EPHA6: variants seen among roughly 807,000 people sequenced by gnomAD.
EPHA6 encodes ephrin type-A receptor 6.
A neutral mutation model predicts 112.0 loss-of-function variants in EPHA6; 50 were observed. The observed-to-expected ratio is 0.45, with a 90% CI of 0.36 to 0.56. The LOEUF (loss-of-function observed/expected upper bound fraction) is 0.56. EPHA6 is among the 20% of genes least tolerant of loss of function. The pLI is 0.00. For missense variants in EPHA6, 1,280 were observed against 1,417.4 expected (o/e 0.90, Z 1.56); for synonymous variants, 529 against 490.7 (o/e 1.08, Z -1.03).
At chr3:97,322,115 A>T (rs1453856858) in intron 5 of EPHA6, among the ~76,000 whole-genome samples, 1 of 152,064 alleles carries the variant, frequency 6.6e-6, no homozygotes, top group Non-Finnish European at 1.5e-5. Flanking sequence ...TAAAGAAAGC[A>T]ACTTTAAACT....
At chr3:96,920,360 T>C (rs1451409743) in intron 2 of EPHA6, among the ~76,000 whole-genome samples, 1 of 151,968 alleles carries the variant, frequency 6.6e-6, no homozygotes, top group Non-Finnish European at 1.5e-5. Context: ...AATGCCCTTA[T>C]ATTATACTAC....
chr3:97,090,231 A>T (rs575538615), intron 3 of EPHA6, among the ~76,000 whole-genome samples: 1 of 152,150 alleles, frequency 6.6e-6, no homozygotes, highest in African/African-American at 2.4e-5. Context: ...TAAGTTACTA[A>T]TTTTTATCTT....
chr3:96,858,954 C>T (rs945512016), intron 1 of EPHA6, among the ~76,000 whole-genome samples: 2 of 152,160 alleles, frequency 1.3e-5, no homozygotes, highest in African/African-American at 4.8e-5. Flanking sequence ...CTCAGAAGAT[C>T]ATATGTAAAT....
Position 97,627,144 on chromosome 3 carries a change from G to A in EPHA6, c.2575-10729G>A, listed in dbSNP as rs144521536. The stretch of plus-strand genomic sequence containing the variant: ...AGGCAAGTTAGGTGGCTTGCCCAAT[G>A]TCAAACAGCTGATAAATCATTTATT... On this transcript the variant is annotated intron_variant, in intron 13 of 17. Transcript: ENST00000389672. Among the ~76,000 whole-genome samples, 432 of 151,950 alleles carry A rather than the reference G, an allele frequency of 2.8e-3. 4 individuals carry two copies. The highest frequency in any genetic ancestry group is 9.7e-3 in the African/African-American group (404 of 41,494).
At chr3:96,996,851 A>C (rs1208160284) in intron 3 of EPHA6, among the ~76,000 whole-genome samples, 1 of 152,106 alleles carries the variant, frequency 6.6e-6, no homozygotes, top group African/African-American at 2.4e-5. Context: ...GGTCCTAACA[A>C]GAGATCCAGC....
chr3:97,623,011 G>A (rs1019289190), intron 13 of EPHA6, among the ~76,000 whole-genome samples: 7 of 151,624 alleles, frequency 4.6e-5, no homozygotes, highest in Admixed American at 3.3e-4. Context: ...TATTCCCTTA[G>A]GAGATATATG....
At chr3:97,085,499 G>T (rs2046864930) in intron 3 of EPHA6, among the ~76,000 whole-genome samples, 1 of 152,090 alleles carries the variant, frequency 6.6e-6, no homozygotes, top group African/African-American at 2.4e-5. Flanking sequence ...TACTTTGGGG[G>T]TACTAGAGAG....
chr3:97,376,076 C>A (rs550567925), intron 5 of EPHA6, among the ~76,000 whole-genome samples: 1 of 152,200 alleles, frequency 6.6e-6, no homozygotes, highest in African/African-American at 2.4e-5. Flanking sequence ...CCTTACTACA[C>A]CACTATGCAA....
chr3:97,139,734 G>A (rs2075851570), intron 3 of EPHA6, among the ~76,000 whole-genome samples: 1 of 152,144 alleles, frequency 6.6e-6, no homozygotes, highest in African/African-American at 2.4e-5. Flanking sequence ...AGCTTCTCCA[G>A]ATGAGAAGAA....
At chr3:97,276,240 G>A (rs891629479) in intron 5 of EPHA6, among the ~76,000 whole-genome samples, 2 of 152,196 alleles carry the variant, frequency 1.3e-5, no homozygotes, top group Non-Finnish European at 2.9e-5. Context: ...GGCAGTGTCA[G>A]TCTTCAGCCT....
At chr3:97,214,200 G>C (rs551808235) in intron 3 of EPHA6, among the ~76,000 whole-genome samples, 1 of 151,912 alleles carries the variant, frequency 6.6e-6, no homozygotes, top group Non-Finnish European at 1.5e-5. Flanking sequence ...CACCATGCCT[G>C]GCTAATTTTT....
intron 5 of EPHA6, among the ~76,000 whole-genome samples, chr3:97,343,606 A>G (rs576602867): frequency 6.6e-6 from 1 of 152,306 alleles, no homozygotes; most frequent in South Asian, 2.1e-4. Context: ...TTAATTGGCC[A>G]TCTCACCAGA....
At chr3:97,021,306 G>A (rs1435319046) in intron 3 of EPHA6, among the ~76,000 whole-genome samples, 1 of 152,062 alleles carries the variant, frequency 6.6e-6, no homozygotes, top group African/African-American at 2.4e-5. Flanking sequence ...CAAACTCAGG[G>A]TCATGGCTCA....
At chr3:97,500,265 C>T (rs2092082706) in intron 10 of EPHA6, among the ~76,000 whole-genome samples, 1 of 151,984 alleles carries the variant, frequency 6.6e-6, no homozygotes, top group Non-Finnish European at 1.5e-5. Flanking sequence ...CTAGAAATAC[C>T]TGAGACTGGA....
intron 2 of EPHA6, among the ~76,000 whole-genome samples, chr3:96,871,380 T>G: frequency 6.6e-6 from 1 of 152,034 alleles, no homozygotes; most frequent in East Asian, 1.9e-4. Context: ...TAATAAACAT[T>G]ACATAAATAT....
chr3:97,507,295 T>C (rs150111173), intron 10 of EPHA6, among the ~76,000 whole-genome samples: 1 of 152,200 alleles, frequency 6.6e-6, no homozygotes, highest in South Asian at 2.1e-4. Flanking sequence ...ATATTGGCTG[T>C]GGGTTTGTCA....
chr3:97,156,466 G>T (rs1043489590), intron 3 of EPHA6, among the ~76,000 whole-genome samples: 12 of 152,126 alleles, frequency 7.9e-5, no homozygotes, highest in African/African-American at 2.4e-4. Context: ...CAGAGCTATT[G>T]ATCTCAATTT....
intron 10 of EPHA6, among the ~76,000 whole-genome samples, chr3:97,502,167 C>CTTTTT (rs773321621): frequency 1.6e-5 from 2 of 124,324 alleles, no homozygotes. Flanking sequence ...TAACTACCTG[C>CTTTTT]TTTTTTTTTT....
At chr3:97,005,869 G>T (rs960763720) in intron 3 of EPHA6, among the ~76,000 whole-genome samples, 2 of 152,158 alleles carry the variant, frequency 1.3e-5, no homozygotes, top group Non-Finnish European at 2.9e-5. Context: ...CATCTATTGA[G>T]ATAATCATGT....
Sources: allele counts gnomAD v4.1 joint callset (sites outside exome capture counted in the v4.1 genomes callset), GRCh38; gene constraint gnomAD v4.1.1; transcripts MANE v1.5; gene names NCBI Gene and HGNC (gene_info 2026-07-23, HGNC 2026-07-21).